POU6F2: variants seen among roughly 807,000 people sequenced by gnomAD.
POU6F2 encodes POU class 6 homeobox 2.
POU6F2 carries 31 observed loss-of-function variants against 71.3 expected under a neutral mutation model. The observed-to-expected ratio is 0.43, with a 90% CI of 0.33 to 0.59. The LOEUF (loss-of-function observed/expected upper bound fraction) is 0.59. Ranked by LOEUF, POU6F2 falls within the 20% of genes least tolerant of loss-of-function variation. POU6F2 has a pLI of 0.04. For synonymous variants in POU6F2, 347 were observed against 355.7 expected, an observed-to-expected ratio of 0.98 and a Z score of 0.27; for missense variants, 783 against 856.8, an observed-to-expected ratio of 0.91 and a Z score of 1.07.
chr7:39,006,535 C>T (rs1037585285), intron 1 of POU6F2, among the ~76,000 whole-genome samples: 4 of 152,088 alleles, frequency 2.6e-5, no homozygotes, highest in African/African-American at 9.7e-5. Flanking sequence ...ACAAGCCACA[C>T]CTTCAAAATT....
At chr7:39,126,447 C>T (rs1792139249) in intron 2 of POU6F2, among the ~76,000 whole-genome samples, 2 of 152,198 alleles carry the variant, frequency 1.3e-5, no homozygotes, top group Admixed American at 1.3e-4. Flanking sequence ...CATATTTGGC[C>T]ATGAGCACTC....
chr7:39,357,828 A>C (rs921621524), intron 5 of POU6F2, among the ~76,000 whole-genome samples: 1 of 152,246 alleles, frequency 6.6e-6, no homozygotes, highest in Non-Finnish European at 1.5e-5. Context: ...AAAGGGTTTC[A>C]TAAACAAGGG....
intron 1 of POU6F2, among the ~76,000 whole-genome samples, chr7:39,063,130 G>A (rs1044825425): frequency 2.6e-5 from 4 of 152,094 alleles, no homozygotes; most frequent in African/African-American, 7.2e-5. Context: ...ACATTATTAT[G>A]AATGCTCTAT....
At chr7:39,174,155 A>G (rs1002933669) in intron 2 of POU6F2, among the ~76,000 whole-genome samples, 1 of 152,218 alleles carries the variant, frequency 6.6e-6, no homozygotes, top group Non-Finnish European at 1.5e-5. Flanking sequence ...GATTTCTTTA[A>G]GCAGGAAGAC....
chr7:39,460,751 C>T lies in POU6F2; in HGVS notation c.1658+36C>T, dbSNP rs774765737. The stretch of plus-strand genomic sequence containing the variant: ...CCTGCATGCTGTCACCTCTTCTAGC[C>T]GCCCTGGGCCTCATTTGTCCTCGCG... On this transcript the variant is annotated intron_variant, in intron 9 of 9. Coordinates refer to ENST00000518318, the MANE Select transcript of POU6F2 (RefSeq NM_001370959.1). This position sits in a 1 kb window ranked among gnomAD's most constrained non-coding sequence, Gnocchi z 4.4. 9.1e-5 allele frequency: 138 copies of T among 1,522,540 alleles called. No individual in the cohort carries two copies. The highest frequency in any genetic ancestry group is 4.8e-4 in the South Asian group (37 of 76,640). The allele number at this position is 1,522,540 out of a possible 1,614,324, so 94.3% of individuals were successfully genotyped here.
intron 2 of POU6F2, among the ~76,000 whole-genome samples, chr7:39,169,638 G>A (rs1208657512): frequency 6.6e-6 from 1 of 152,084 alleles, no homozygotes; most frequent in African/African-American, 2.4e-5. Context: ...AACATTCACT[G>A]TCAGATTGTG....
intron 2 of POU6F2, among the ~76,000 whole-genome samples, chr7:39,191,800 T>C (rs1416345738): frequency 6.6e-6 from 1 of 152,236 alleles, no homozygotes; most frequent in East Asian, 1.9e-4. Flanking sequence ...ATAGCATCTT[T>C]TAGCAATAGA....
At chr7:39,242,472 T>C (rs1447691128) in intron 4 of POU6F2, among the ~76,000 whole-genome samples, 1 of 152,110 alleles carries the variant, frequency 6.6e-6, no homozygotes, top group South Asian at 2.1e-4. Flanking sequence ...CTAATAATGT[T>C]GACCATTTTT....
intron 6 of POU6F2, among the ~76,000 whole-genome samples, chr7:39,422,873 T>C (rs924925861): frequency 1.3e-5 from 2 of 152,162 alleles, no homozygotes; most frequent in African/African-American, 4.8e-5. Context: ...TAAAATGAAA[T>C]TCAGAATAGA....
At chr7:39,394,821 A>C (rs1173684494) in intron 5 of POU6F2, among the ~76,000 whole-genome samples, 1 of 152,022 alleles carries the variant, frequency 6.6e-6, no homozygotes, top group East Asian at 1.9e-4. Context: ...CAGTATGTCC[A>C]CGGCTCACTT....
At chr7:39,212,482 C>T (rs1794160279) in intron 4 of POU6F2, among the ~76,000 whole-genome samples, 1 of 152,062 alleles carries the variant, frequency 6.6e-6, no homozygotes, top group South Asian at 2.1e-4. Context: ...TCCTCAAAGC[C>T]CTGTGTCCCT....
At chr7:39,331,477 G>A (rs1237276250) in intron 4 of POU6F2, among the ~76,000 whole-genome samples, 1 of 151,598 alleles carries the variant, frequency 6.6e-6, no homozygotes, top group Non-Finnish European at 1.5e-5. Flanking sequence ...GGAGTGAGGT[G>A]GTATCTCACT....
intron 2 of POU6F2, among the ~76,000 whole-genome samples, chr7:39,094,310 A>G (rs1228836990): frequency 1.3e-5 from 2 of 152,146 alleles, no homozygotes; most frequent in Non-Finnish European, 2.9e-5. Context: ...AAGCATACCA[A>G]CTTACCCAAG....
At chr7:39,105,351 A>G in intron 2 of POU6F2, among the ~76,000 whole-genome samples, 1 of 152,256 alleles carries the variant, frequency 6.6e-6, no homozygotes, top group Middle Eastern at 3.4e-3. Flanking sequence ...TGTTATTTAT[A>G]AGAAGATCAT....
intron 4 of POU6F2, among the ~76,000 whole-genome samples, chr7:39,272,830 G>A (rs887761375): frequency 6.6e-6 from 1 of 152,154 alleles, no homozygotes; most frequent in African/African-American, 2.4e-5. Context: ...AAGAAGGAGA[G>A]GACTTAGCAC....
chr7:39,371,638 A>T (rs1786612898), intron 5 of POU6F2, among the ~76,000 whole-genome samples: 1 of 152,146 alleles, frequency 6.6e-6, no homozygotes, highest in African/African-American at 2.4e-5. Context: ...CCCTTGAGCC[A>T]GCTTTGTGGC....
At chr7:39,010,730 T>C (rs1789253619) in intron 1 of POU6F2, among the ~76,000 whole-genome samples, 1 of 142,246 alleles carries the variant, frequency 7.0e-6, no homozygotes, top group South Asian at 2.6e-4. Flanking sequence ...TGTGTCTTTG[T>C]TCTCGTTGGT....
At chr7:39,318,759 A>G (rs537454317) in intron 4 of POU6F2, among the ~76,000 whole-genome samples, 1 of 152,298 alleles carries the variant, frequency 6.6e-6, no homozygotes, top group African/African-American at 2.4e-5. Context: ...CGACTCAAGG[A>G]AGTCCTGTAA....
At chr7:39,271,227 G>A (rs778319313) in intron 4 of POU6F2, among the ~76,000 whole-genome samples, 18 of 152,074 alleles carry the variant, frequency 1.2e-4, no homozygotes, top group Non-Finnish European at 2.4e-4. Flanking sequence ...TTCACATTTC[G>A]GTGTCCTTGG....
Sources: allele counts gnomAD v4.1 joint callset (sites outside exome capture counted in the v4.1 genomes callset), GRCh38; gene constraint gnomAD v4.1.1; non-coding constraint Gnocchi (gnomAD v3.1); transcripts MANE v1.5; gene names NCBI Gene and HGNC (gene_info 2026-07-23, HGNC 2026-07-21).